The following SLC15A1 variants were observed in gnomAD, a reference collection of about 807,000 sequenced individuals.
The protein encoded by SLC15A1 is Caco-2 oligopeptide transporter.
In SLC15A1, 83 loss-of-function variants were observed where a neutral mutation model predicts 92.9. The ratio of observed to expected loss-of-function variants is 0.89; its 90% CI spans 0.75 to 1.07. SLC15A1 has a LOEUF of 1.07. SLC15A1 is among the 50% of genes least tolerant of loss of function. The pLI is 0.00. For synonymous variants in SLC15A1, 322 were observed against 318.2 expected (o/e 1.01, Z -0.13); for missense variants, 857 against 880.1 (o/e 0.97, Z 0.33).
chr13:98,719,185 T>C, intron 8 of SLC15A1, 52 bp downstream of exon 8: 1 of 1,333,478 alleles, frequency 7.5e-7, no homozygotes, highest in Non-Finnish European at 1.1e-6. Flanking sequence ...ATCATTCACG[T>C]AGGGCCTGAC....
At chr13:98,718,493 AAAC>A (rs2088229410) in intron 8 of SLC15A1, among the ~76,000 whole-genome samples, 1 of 151,584 alleles carries the variant, frequency 6.6e-6, no homozygotes. Context: ...CTAATTAAAA[AAAC>A]AAGCAAAACA....
At chr13:98,691,255 T>G (rs2139562948) in intron 18 of SLC15A1, among the ~76,000 whole-genome samples, 1 of 152,232 alleles carries the variant, frequency 6.6e-6, no homozygotes, top group South Asian at 2.1e-4. Flanking sequence ...GCCAGCATGG[T>G]CTCAATCTCC....
At chr13:98,721,992 C>T (rs111452198) in intron 5 of SLC15A1, 89 bp from the exon 6 acceptor site, 1 of 990,548 alleles carries the variant, frequency 1.0e-6, no homozygotes, top group Non-Finnish European at 1.5e-6. Context: ...GTGGGCCTGG[C>T]ATAGTGACAC....
At chr13:98,748,850 G>A (rs903171207) in intron 1 of SLC15A1, among the ~76,000 whole-genome samples, 1 of 152,152 alleles carries the variant, frequency 6.6e-6, no homozygotes, top group Non-Finnish European at 1.5e-5. Context: ...CACACCACGT[G>A]GGAACGTGGT....
chr13:98,725,778 G>T (rs758897909), intron 4 of SLC15A1, among the ~76,000 whole-genome samples: 7 of 152,152 alleles, frequency 4.6e-5, no homozygotes, highest in Admixed American at 2.0e-4. Flanking sequence ...AGGCTGGGGT[G>T]CAGTGATGTG....
chr13:98,712,201 G>A (rs182268420), intron 10 of SLC15A1, among the ~76,000 whole-genome samples: 50 of 152,190 alleles, frequency 3.3e-4, no homozygotes, highest in African/African-American at 1.1e-3. Context: ...CACCACCGCC[G>A]TCACCACCTC....
intron 1 of SLC15A1, among the ~76,000 whole-genome samples, chr13:98,751,678 G>A (rs1413279473): frequency 1.3e-5 from 2 of 152,204 alleles, no homozygotes; most frequent in Admixed American, 6.5e-5. Context: ...TGCTGTGTCC[G>A]GCAGGCATTC....
intron 8 of SLC15A1, among the ~76,000 whole-genome samples, chr13:98,716,882 C>T (rs2088215116): frequency 6.6e-6 from 1 of 152,002 alleles, no homozygotes; most frequent in Non-Finnish European, 1.5e-5. Context: ...GTGAAAATAA[C>T]TTAGAAAAAA....
At chr13:98,716,529 G>A (rs2139587281) in intron 8 of SLC15A1, among the ~76,000 whole-genome samples, 1 of 151,782 alleles carries the variant, frequency 6.6e-6, no homozygotes, top group African/African-American at 2.4e-5. Context: ...GGCTGAGGCA[G>A]GAGAATTGCT....
chr13:98,710,846 G>A (rs1367303867), intron 11 of SLC15A1, among the ~76,000 whole-genome samples: 1 of 143,070 alleles, frequency 7.0e-6, no homozygotes, highest in Non-Finnish European at 1.5e-5. Flanking sequence ...ATCTACCCCT[G>A]TTTGAGTTCT....
chr13:98,684,789 T>G lies in SLC15A1; in HGVS notation c.2062A>C (p.Lys688Gln). 1 of 1,614,120 alleles carries G rather than the reference T, an allele frequency of 6.2e-7. No homozygotes were observed. Among genetic ancestry groups the G allele is most frequent in the Non-Finnish European group, 8.5e-7 (1 of 1,180,040 alleles). The change falls in exon 23 of 23, where the codon AAA (lysine) becomes CAA (glutamine). Residue 688 changes from lysine (K) to glutamine (Q), a missense_variant. Physicochemically the swap from Lys to Gln is moderately conservative, Grantham distance 53 (BLOSUM62 1). Coordinates refer to ENST00000376503, the MANE Select transcript of SLC15A1 (RefSeq NM_005073.4). ...IEAQFDEDEKKNRLEKSNPYF... is the reference protein window; with the variant it reads ...IEAQFDEDEKQNRLEKSNPYF... ...GGGTTACTCTTTTCCAGTCTGTTTT[T>G]CTTTTCATCCTCATCAAATTGAGCT... is the stretch of plus-strand genomic sequence containing the variant.
intron 1 of SLC15A1, among the ~76,000 whole-genome samples, chr13:98,747,900 A>G (rs1435427693): frequency 6.6e-6 from 1 of 152,196 alleles, no homozygotes; most frequent in East Asian, 1.9e-4. Context: ...TGAACAAACA[A>G]AAAAACCCAA....
chr13:98,720,627 A>T (rs1395969687), intron 7 of SLC15A1: 3 of 162,606 alleles, frequency 1.8e-5, no homozygotes, highest in Non-Finnish European at 4.1e-5. Context: ...TCCCTTCCAC[A>T]TGGGAAATTC....
intron 16 of SLC15A1, 118 bp downstream of exon 16, chr13:98,706,016 A>T: frequency 9.7e-7 from 1 of 1,025,740 alleles, no homozygotes; most frequent in Non-Finnish European, 1.4e-6. Context: ...CAAGATCCTT[A>T]GTTCACTTCT....
intron 9 of SLC15A1, 42 bp from the exon 10 acceptor site, chr13:98,712,626 C>T: frequency 7.0e-7 from 1 of 1,428,358 alleles, no homozygotes; most frequent in Non-Finnish European, 9.8e-7. Context: ...ACAGGACCAA[C>T]AACTTTGTCA....
intron 9 of SLC15A1, among the ~76,000 whole-genome samples, chr13:98,714,327 C>T (rs1198561486): frequency 2.0e-5 from 3 of 152,028 alleles, no homozygotes; most frequent in African/African-American, 4.8e-5. Flanking sequence ...GGAGAGGGCA[C>T]ATTTATTTCA....
At chr13:98,686,872 T>C (rs1212192954) in intron 21 of SLC15A1, among the ~76,000 whole-genome samples, 1 of 152,140 alleles carries the variant, frequency 6.6e-6, no homozygotes, top group Non-Finnish European at 1.5e-5. Context: ...AAGCTCTAAT[T>C]TGGGTATCAA....
At chr13:98,688,739 G>T (rs2087952235) in intron 18 of SLC15A1, among the ~76,000 whole-genome samples, 162 bp from the exon 19 acceptor site, 1 of 152,084 alleles carries the variant, frequency 6.6e-6, no homozygotes, top group South Asian at 2.1e-4. Context: ...AAAACTCTGG[G>T]TTTATCCCTG....
intron 7 of SLC15A1, chr13:98,720,923 G>A: frequency 2.8e-6 from 1 of 351,912 alleles, no homozygotes; most frequent in Non-Finnish European, 5.6e-6. Flanking sequence ...ATGGTGGCAG[G>A]CGCCTGTTGT....
Sources: gnomAD v4.1 joint callset for allele counts (sites outside exome capture counted in the v4.1 genomes callset) on GRCh38, gnomAD v4.1.1 for gene constraint, MANE v1.5 for transcripts, NCBI Gene and HGNC (gene_info 2026-07-23, HGNC 2026-07-21) for gene names.